FAM186B: variants seen among roughly 807,000 people sequenced by gnomAD.
FAM186B encodes family with sequence similarity 186 member B, also known as protein FAM186B.
FAM186B carries 68 observed loss-of-function variants against 83.4 expected under a neutral mutation model. The observed-to-expected ratio is 0.81, with a 90% CI of 0.67 to 1.00. The LOEUF is 1.00. Among genes scored for constraint, FAM186B ranks in the 50% least tolerant of loss-of-function variants. The pLI is 0.00. For missense variants in FAM186B, 983 were observed against 1,099.2 expected (o/e 0.89, Z 1.49); for synonymous variants, 389 against 422.0 (o/e 0.92, Z 0.96).
At position 49,600,583 on chromosome 12, in the gene FAM186B, C is replaced by T; in HGVS notation, c.1057G>A (p.Val353Ile). Residue 353 changes from valine (V) to isoleucine (I), a missense_variant, in exon 4 of 7, where the codon GTC (valine) becomes ATC (isoleucine). Physicochemically the swap from Val to Ile is conservative, Grantham distance 29. Coordinates refer to ENST00000257894, the MANE Select transcript of FAM186B (RefSeq NM_032130.3). This position sits in a 1 kb window ranked among gnomAD's most constrained non-coding sequence, Gnocchi z 4.3. ...ERETLPRKET[V>I]MEESQQEPMK... ...GGTTCCTGTTGGCTTTCCTCCATGA[C>T]TGTTTCTTTCCTTGGGAGGGTCTCT... The T allele has an allele frequency of 6.2e-7, 1 of 1,612,610 alleles. No homozygotes were observed. The highest frequency in any genetic ancestry group is 8.5e-7 in the Non-Finnish European group (1 of 1,179,326).
At chr12:49,602,718 G>C (rs557686100) in intron 3 of FAM186B, among the ~76,000 whole-genome samples, 1 of 152,158 alleles carries the variant, frequency 6.6e-6, no homozygotes, top group Non-Finnish European at 1.5e-5. Context: ...GTATGAGTTC[G>C]ATAATATCAG....
At chr12:49,608,838 A>G (rs1402495007), upstream of FAM186B, among the ~76,000 whole-genome samples, 5 of 151,948 alleles carry the variant, frequency 3.3e-5, no homozygotes, top group Admixed American at 3.3e-4. Context: ...AAGGGAGAGC[A>G]CTTTGTTTCT....
upstream of FAM186B, among the ~76,000 whole-genome samples, chr12:49,610,112 C>G (rs757295729): frequency 2.6e-5 from 4 of 151,548 alleles, no homozygotes; most frequent in African/African-American, 7.3e-5. Context: ...GTCATTACCC[C>G]CTAGGCAGGG....
intron 5 of FAM186B, among the ~76,000 whole-genome samples, chr12:49,593,632 C>CAAAAAAAAAAA (rs34152009): frequency 1.2e-5 from 1 of 86,356 alleles, no homozygotes; most frequent in African/African-American, 4.0e-5. Flanking sequence ...GACTCCATCT[C>CAAAAAAAAAAA]AAAAAAAAAA....
the FAM186B span, among the ~76,000 whole-genome samples, chr12:49,614,955 C>T: frequency 6.6e-5 from 10 of 152,002 alleles, no homozygotes; most frequent in African/African-American, 2.4e-4. Context: ...AGTGAAACCC[C>T]GTCTCTACTA....
At chr12:49,612,647 C>T in the FAM186B span, among the ~76,000 whole-genome samples, 1 of 151,838 alleles carries the variant, frequency 6.6e-6, no homozygotes, top group African/African-American at 2.4e-5. Context: ...GGATATCCCT[C>T]TCAGATAAAG....
intron 5 of FAM186B, among the ~76,000 whole-genome samples, chr12:49,596,623 G>A (rs1939733203): frequency 6.6e-6 from 1 of 152,154 alleles, no homozygotes; most frequent in African/African-American, 2.4e-5. Context: ...AAAAAGACAG[G>A]CGATAGCAAG....
At position 49,604,314 on chromosome 12, in the gene FAM186B, C is replaced by G. The variant is rs141974060; in HGVS notation, c.321G>C (p.Trp107Cys). ...LYDILRWLGD[W>C]GDTLTYEIGP... ...ACGGTGCCCAGCCTGCAAACTCACC[C>G]CAGTCACCCAGCCAGCGGAGAATGT... The change falls in exon 2 of 7, where the codon TGG becomes TGC. Residue 107 changes from tryptophan to cysteine, a missense_variant and splice_region_variant. Transcript: ENST00000257894. 2.1e-3 allele frequency: 3,344 copies of G among 1,612,642 alleles called. 33 individuals are homozygous for G. Among genetic ancestry groups the G allele is most frequent in the South Asian group, 0.012 (1,093 of 91,050 alleles).
chr12:49,621,187 A>G, the FAM186B span, among the ~76,000 whole-genome samples: 1 of 152,210 alleles, frequency 6.6e-6, no homozygotes, highest in East Asian at 1.9e-4. Flanking sequence ...GTTCAAGTCC[A>G]GCCTGGCCAG....
At chr12:49,583,371 A>T, downstream of FAM186B, 1 of 263,364 alleles carries the variant, frequency 3.8e-6, no homozygotes, top group South Asian at 4.0e-5. Flanking sequence ...AGGTTATAAA[A>T]ATGCTTTCTA....
the FAM186B span, among the ~76,000 whole-genome samples, chr12:49,618,539 G>T: frequency 6.6e-6 from 1 of 151,738 alleles, no homozygotes; most frequent in African/African-American, 2.4e-5. Flanking sequence ...TTGGAGCAGA[G>T]ATTATGTAGA....
In FAM186B at chr12:49,587,565, A is replaced by T; in HGVS notation, c.*40T>A. 6.2e-7 allele frequency: 1 copy of T among 1,613,516 alleles called. No individual in the cohort carries two copies. The highest frequency in any genetic ancestry group is 1.1e-5 in the South Asian group (1 of 91,068). ...ACATTGACCATCAGCCTCGCACCTT[A>T]CTGGGCCTTCAGGAAGTTCAGGCTT... On this transcript the variant is annotated 3_prime_UTR_variant, in exon 7 of 7. Transcript: ENST00000257894.
chr12:49,585,273 C>T (rs1179878509), downstream of FAM186B, among the ~76,000 whole-genome samples: 1 of 152,178 alleles, frequency 6.6e-6, no homozygotes, highest in African/African-American at 2.4e-5. Context: ...CCACCTCGGC[C>T]TCTCAAAGTG....
the FAM186B span, chr12:49,619,619 A>G: frequency 1.7e-6 from 1 of 605,840 alleles, no homozygotes; most frequent in Non-Finnish European, 3.1e-6. Context: ...ACCGTAGAAG[A>G]AATGCTATCT....
downstream of FAM186B, chr12:49,584,605 C>T (rs1232082064): frequency 8.5e-6 from 6 of 702,316 alleles, no homozygotes; most frequent in Admixed American, 2.0e-5. Context: ...TCCTTTGGTT[C>T]GCTGAGGCGC....
intron 5 of FAM186B, chr12:49,593,955 C>T (rs994331250): frequency 6.5e-6 from 1 of 153,232 alleles, no homozygotes; most frequent in African/African-American, 2.4e-5. Context: ...ACAGCATGCT[C>T]ATGAATTGAA....
At chr12:49,620,862 C>T in the FAM186B span, among the ~76,000 whole-genome samples, 9 of 151,966 alleles carry the variant, frequency 5.9e-5, no homozygotes, top group East Asian at 9.6e-4. Flanking sequence ...AACATATTAC[C>T]TATAATGGAA....
At chr12:49,584,761 C>T (rs1028556118), downstream of FAM186B, 35 of 612,960 alleles carry the variant, frequency 5.7e-5, no homozygotes, top group African/African-American at 3.7e-4. Flanking sequence ...CTCAACACAA[C>T]GTCCTCCCAA....
chr12:49,586,820 G>A (rs570189198), downstream of FAM186B, among the ~76,000 whole-genome samples: 2 of 152,328 alleles, frequency 1.3e-5, no homozygotes, highest in South Asian at 4.1e-4. Context: ...GCGCAGGTGC[G>A]GCCAGGGATT....
Sources: gnomAD v4.1 joint callset for allele counts (sites outside exome capture counted in the v4.1 genomes callset) on GRCh38, gnomAD v4.1.1 for gene constraint, Gnocchi (gnomAD v3.1) non-coding constraint, MANE v1.5 for transcripts, NCBI Gene and HGNC (gene_info 2026-07-23, HGNC 2026-07-21) for gene names.